SUGCT: variants seen among roughly 807,000 people sequenced by gnomAD.
SUGCT encodes succinyl-CoA:glutarate-CoA transferase, also known as succinyl-CoA:glutarate CoA-transferase.
In SUGCT, 41 loss-of-function variants were observed where a neutral mutation model predicts 55.0. The observed-to-expected ratio is 0.74, with a 90% CI of 0.58 to 0.97. The LOEUF (loss-of-function observed/expected upper bound fraction) is 0.97. Among genes scored for constraint, SUGCT ranks in the 50% least tolerant of loss-of-function variants. The probability of loss-of-function intolerance (pLI) is 0.00; values close to 1 mark genes in which losing one functional copy is unlikely to be tolerated. For missense variants in SUGCT, 568 were observed against 547.8 expected, an observed-to-expected ratio of 1.04 and a Z score of -0.37; for synonymous variants, 187 against 200.4, an observed-to-expected ratio of 0.93 and a Z score of 0.56.
chr7:40,185,354 T>C (rs1785441117), intron 3 of SUGCT, among the ~76,000 whole-genome samples: 2 of 152,344 alleles, frequency 1.3e-5, no homozygotes, highest in African/African-American at 4.8e-5. Context: ...TTTGTATTTC[T>C]ATTAATTTTA....
the SUGCT span, among the ~76,000 whole-genome samples, chr7:41,019,660 C>G: frequency 6.6e-6 from 1 of 152,170 alleles, no homozygotes; most frequent in African/African-American, 2.4e-5. Context: ...CTATGTTCTT[C>G]TGAGAAAGAT....
chr7:40,890,263 T>A, the SUGCT span, among the ~76,000 whole-genome samples: 2 of 143,582 alleles, frequency 1.4e-5, no homozygotes, highest in African/African-American at 5.1e-5. Flanking sequence ...ATATTTATAT[T>A]ATATAATATA....
Position 40,693,764 on chromosome 7 carries a change from A to G in SUGCT, c.1090-55670A>G, listed in dbSNP as rs190809982. ...GAAGCTCACCTTACCTCACTGGTGC[A>G]TTAGCTGGTATTTATTTCTTCCCTA... is the stretch of plus-strand genomic sequence containing the variant. On this transcript the variant is annotated intron_variant, in intron 12 of 13. Transcript: ENST00000335693. 5.5e-4 allele frequency among the ~76,000 whole-genome samples: 84 copies of G among 152,332 alleles called. No homozygotes were observed. In the East Asian group the frequency reaches 0.012, roughly 21 times the overall value.
chr7:40,214,211 C>T (rs972652264), intron 6 of SUGCT, among the ~76,000 whole-genome samples: 2 of 152,124 alleles, frequency 1.3e-5, no homozygotes, highest in African/African-American at 4.8e-5. Flanking sequence ...ATAACCGTTG[C>T]CCTGCCTTCC....
chr7:40,827,633 G>A (rs1032123147), intron 13 of SUGCT, among the ~76,000 whole-genome samples: 14 of 152,086 alleles, frequency 9.2e-5, no homozygotes, highest in African/African-American at 2.4e-4. Context: ...TTTCTCCTCC[G>A]GGGCGTGTCC....
At chr7:40,951,460 C>G in the SUGCT span, among the ~76,000 whole-genome samples, 1 of 152,108 alleles carries the variant, frequency 6.6e-6, no homozygotes, top group Non-Finnish European at 1.5e-5. Flanking sequence ...TCCTTCAGTT[C>G]TGCTCTGATC....
At chr7:40,637,085 C>T (rs764373788) in intron 12 of SUGCT, among the ~76,000 whole-genome samples, 7 of 152,072 alleles carry the variant, frequency 4.6e-5, no homozygotes, top group Admixed American at 2.0e-4. Flanking sequence ...TTTTAATATG[C>T]GGGGATGACT....
chr7:40,168,545 A>G (rs772626467), intron 1 of SUGCT, among the ~76,000 whole-genome samples: 2 of 152,220 alleles, frequency 1.3e-5, no homozygotes, highest in Non-Finnish European at 2.9e-5. Flanking sequence ...CCTGCAGTGC[A>G]AAGTGCAGGG....
the SUGCT span, among the ~76,000 whole-genome samples, chr7:40,888,157 C>T: frequency 3.9e-5 from 6 of 152,082 alleles, no homozygotes; most frequent in Admixed American, 1.3e-4. Context: ...CTACACAGAC[C>T]GAGAGGAACT....
chr7:40,686,778 G>T (rs1584273425), intron 12 of SUGCT, among the ~76,000 whole-genome samples: 2 of 152,282 alleles, frequency 1.3e-5, no homozygotes, highest in Middle Eastern at 6.8e-3. Flanking sequence ...AATTTGGCAT[G>T]TGAATTTTCA....
chr7:40,661,889 C>CGA (rs769620673), intron 12 of SUGCT, among the ~76,000 whole-genome samples: 6 of 152,170 alleles, frequency 3.9e-5, no homozygotes, highest in Non-Finnish European at 8.8e-5. Flanking sequence ...ATGACCTCAT[C>CGA]CAGTTTGAGT....
At chr7:40,801,475 A>G (rs1235285766) in intron 13 of SUGCT, among the ~76,000 whole-genome samples, 1 of 152,202 alleles carries the variant, frequency 6.6e-6, no homozygotes, top group Non-Finnish European at 1.5e-5. Context: ...TTGTGGATGT[A>G]TCTTGGTAAG....
At chr7:40,993,564 A>C in the SUGCT span, among the ~76,000 whole-genome samples, 1 of 152,234 alleles carries the variant, frequency 6.6e-6, no homozygotes, top group Non-Finnish European at 1.5e-5. Flanking sequence ...CACAGGAAGC[A>C]GCTTCATCTG....
the SUGCT span, among the ~76,000 whole-genome samples, chr7:40,916,070 TAC>T: frequency 0.22 from 31,211 of 144,564 alleles, 3,564 homozygotes; most frequent in South Asian, 0.28. Flanking sequence ...TCTCTCTACA[TAC>T]ACACACACAC....
intron 13 of SUGCT, among the ~76,000 whole-genome samples, chr7:40,755,659 C>T (rs912406967): frequency 2.0e-5 from 3 of 152,196 alleles, no homozygotes; most frequent in Non-Finnish European, 1.5e-5. Flanking sequence ...CAAAGGATGT[C>T]ATTGGAATAG....
the SUGCT span, among the ~76,000 whole-genome samples, chr7:40,899,859 C>G: frequency 6.6e-6 from 1 of 152,182 alleles, no homozygotes; most frequent in Non-Finnish European, 1.5e-5. Flanking sequence ...CCTTCCCGAG[C>G]GTATGGCCAT....
the SUGCT span, among the ~76,000 whole-genome samples, chr7:40,990,226 A>G: frequency 6.6e-6 from 1 of 152,230 alleles, no homozygotes; most frequent in Admixed American, 6.5e-5. Context: ...AACGACATTA[A>G]TCTCCTCACA....
intron 13 of SUGCT, among the ~76,000 whole-genome samples, chr7:40,823,334 A>T (rs1329157119): frequency 6.6e-6 from 1 of 152,042 alleles, no homozygotes; most frequent in East Asian, 1.9e-4. Flanking sequence ...TCCTCTCTTA[A>T]CATCTTAGGT....
chr7:40,465,615 G>GA (rs886282465), intron 11 of SUGCT, among the ~76,000 whole-genome samples: 2 of 146,690 alleles, frequency 1.4e-5, no homozygotes, highest in African/African-American at 2.5e-5. Flanking sequence ...GTCTCAAAAA[G>GA]AAAAAAAAAA....
Sources: allele counts gnomAD v4.1 joint callset (sites outside exome capture counted in the v4.1 genomes callset), GRCh38; gene constraint gnomAD v4.1.1; transcripts MANE v1.5; gene names NCBI Gene and HGNC (gene_info 2026-07-23, HGNC 2026-07-21).